Variants in ATP13A4 observed in about 807,000 individuals in gnomAD.
The protein encoded by ATP13A4 is ATPase 13A4, also known as probable cation-transporting ATPase 13A4.
In ATP13A4, 114 loss-of-function variants were observed where a neutral mutation model predicts 142.5. The ratio of observed to expected loss-of-function variants is 0.80; its 90% CI spans 0.69 to 0.93. The LOEUF is 0.93. Ranked by LOEUF, ATP13A4 falls within the 40% of genes least tolerant of loss-of-function variation. The pLI is 0.00. For synonymous variants in ATP13A4, 488 were observed against 514.8 expected, an observed-to-expected ratio of 0.95 and a Z score of 0.70; for missense variants, 1,392 against 1,454.0, an observed-to-expected ratio of 0.96 and a Z score of 0.69.
chr3:193,560,573 G>A (rs1013334694), intron 2 of ATP13A4, among the ~76,000 whole-genome samples: 4 of 152,136 alleles, frequency 2.6e-5, no homozygotes, highest in East Asian at 1.9e-4. Flanking sequence ...GAATATTTAC[G>A]AGGACTTCAT....
At chr3:193,545,149 T>C (rs1307071396) in intron 1 of ATP13A4, among the ~76,000 whole-genome samples, 1 of 152,224 alleles carries the variant, frequency 6.6e-6, no homozygotes, top group African/African-American at 2.4e-5. Flanking sequence ...TAGTTTTGTT[T>C]TAGAACTGGC....
At chr3:193,582,639 T>TATTATATATGTATATTACATATATAAA (rs1724579041) in intron 1 of ATP13A4, among the ~76,000 whole-genome samples, 2 of 85,010 alleles carry the variant, frequency 2.4e-5, no homozygotes, top group South Asian at 3.2e-4. Flanking sequence ...ACATACATTA[T>TATTATATATGTATATTACATATATAAA]ATATGTATAT....
intron 18 of ATP13A4, among the ~76,000 whole-genome samples, chr3:193,443,086 C>A (rs1237680479): frequency 6.6e-6 from 1 of 152,164 alleles, no homozygotes; most frequent in African/African-American, 2.4e-5. Context: ...TTTTTCTCTT[C>A]CCTATTCCAT....
At chr3:193,527,595 G>C (rs1722077449) in intron 1 of ATP13A4, among the ~76,000 whole-genome samples, 1 of 149,952 alleles carries the variant, frequency 6.7e-6, no homozygotes, top group Non-Finnish European at 1.5e-5. Flanking sequence ...CTGGGCGACA[G>C]AGTGAGGCTC....
At chr3:193,585,658 T>C (rs763943892) in intron 1 of ATP13A4, among the ~76,000 whole-genome samples, 2 of 152,170 alleles carry the variant, frequency 1.3e-5, no homozygotes, top group Non-Finnish European at 2.9e-5. Context: ...GATTCATTCG[T>C]GTTGTTACAT....
chr3:193,414,759 T>G lies in ATP13A4; in HGVS notation c.2843-9A>C. 6.2e-7 allele frequency: 1 copy of G among 1,613,684 alleles called. No individual in the cohort carries two copies. Among genetic ancestry groups the G allele is most frequent in the South Asian group, 1.1e-5 (1 of 91,056 alleles). ...GGCACCATTCAGATTCACTATAAAATAAATTCGAATTTTATATTTATGAGA... is the reference window on the plus strand; with the variant it reads ...GGCACCATTCAGATTCACTATAAAAGAAATTCGAATTTTATATTTATGAGA... On this transcript the variant is annotated splice_polypyrimidine_tract_variant and intron_variant, in intron 25 of 29. Transcript: ENST00000342695.
At chr3:193,448,383 T>C in intron 17 of ATP13A4, 53 bp from the exon 18 acceptor site, 5 of 1,603,452 alleles carry the variant, frequency 3.1e-6, no homozygotes, top group Non-Finnish European at 4.2e-6. Context: ...ATTACAGCTT[T>C]TTTTTTGAGA....
chr3:193,509,988 GTGAATGAATGCATGCA>G (rs1483757592), intron 2 of ATP13A4, among the ~76,000 whole-genome samples: 3 of 152,256 alleles, frequency 2.0e-5, no homozygotes, highest in East Asian at 3.9e-4. Flanking sequence ...GAAAACATAA[GTGAATGAATGCATGCA>G]TGAATGGAGG....
chr3:193,457,228 G>A (rs114840163), intron 15 of ATP13A4, 75 bp from the exon 16 acceptor site: 35,426 of 1,589,608 alleles, frequency 0.022, 536 homozygotes, highest in Non-Finnish European at 0.025. Flanking sequence ...CACTCCTTCC[G>A]TAATATTCAT....
intron 2 of ATP13A4, among the ~76,000 whole-genome samples, chr3:193,504,577 A>G (rs776880460): frequency 1.6e-4 from 25 of 152,176 alleles, no homozygotes; most frequent in Non-Finnish European, 3.1e-4. Flanking sequence ...CAGGCACTTA[A>G]CAGTCACCTC....
In ATP13A4 at chr3:193,478,064, G is replaced by A. The variant is rs147127887; in HGVS notation, c.808+5872C>T. ...AACGAAGCAGTGTTATATTCATAGA[G>A]AGAAAGATTGAAATATGTTACTAAG... On this transcript the variant is annotated intron_variant, in intron 8 of 29. Coordinates refer to ENST00000342695, the MANE Select transcript of ATP13A4 (RefSeq NM_032279.4). Among the ~76,000 whole-genome samples, 832 of 152,098 alleles carry A rather than the reference G, an allele frequency of 5.5e-3. 16 individuals are homozygous for A. The highest frequency in any genetic ancestry group is 0.019 in the African/African-American group (795 of 41,436).
At chr3:193,525,098 C>G (rs920059908) in intron 1 of ATP13A4, among the ~76,000 whole-genome samples, 2 of 152,242 alleles carry the variant, frequency 1.3e-5, no homozygotes, top group African/African-American at 4.8e-5. Flanking sequence ...TAGCACATAG[C>G]AGGCCCACAA....
intron 29 of ATP13A4, among the ~76,000 whole-genome samples, chr3:193,406,250 T>C (rs768760042): frequency 9.2e-5 from 14 of 152,210 alleles, no homozygotes; most frequent in Non-Finnish European, 1.9e-4. Flanking sequence ...AAATTCTGTG[T>C]CCTGTTCTGC....
At chr3:193,558,967 T>C (rs1348684818), upstream of ATP13A4, among the ~76,000 whole-genome samples, 3 of 152,200 alleles carry the variant, frequency 2.0e-5, 1 homozygote, top group Non-Finnish European at 4.4e-5. Context: ...AGCATGCCTG[T>C]TGTTCTGAGC....
intron 1 of ATP13A4, among the ~76,000 whole-genome samples, chr3:193,540,402 C>A (rs1442920997): frequency 6.6e-6 from 1 of 151,662 alleles, no homozygotes; most frequent in East Asian, 1.9e-4. Context: ...GACAACGGAG[C>A]CACTAATGAA....
In ATP13A4 at chr3:193,441,568, C is replaced by A. The variant is rs201198913; in HGVS notation, c.2337G>T (p.Arg779Ser). The A allele has an allele frequency of 3.1e-4, 503 of 1,613,088 alleles. No individual in the cohort carries two copies. The highest frequency in any genetic ancestry group is 8.2e-4 in the Admixed American group (49 of 60,016). The change falls in exon 20 of 30, where the codon AGG (arginine) becomes AGT (serine). Residue 779 changes from arginine (R) to serine (S), a missense_variant. Physicochemically the swap from Arg to Ser is moderately radical, Grantham distance 110 (BLOSUM62 -1). Transcript: ENST00000342695. ...CTCTGCCTTTATCAGAGACTTCATC[C>A]CTGATGTTAATGTAATTGTCCTACA... ...YGNQDNYINIRDEVSDKGREG... is the reference protein window; with the variant it reads ...YGNQDNYINISDEVSDKGREG...
In ATP13A4 at chr3:193,431,684, G is replaced by T. The variant is rs138412380; in HGVS notation, c.2842+2161C>A. ...TATGGGTGTGTATGTGTATATGTGG[G>T]TATATATACATTTATATATACACAC... On this transcript the variant is annotated intron_variant, in intron 25 of 29. Transcript: ENST00000342695. Among the ~76,000 whole-genome samples the T allele has an allele frequency of 2.2e-4, 33 of 149,832 alleles. No individual in the cohort carries two copies. The East Asian group carries it at 5.5e-3, about 25-fold the overall frequency.
chr3:193,532,531 T>C (rs1388476920), intron 1 of ATP13A4, among the ~76,000 whole-genome samples: 1 of 151,654 alleles, frequency 6.6e-6, no homozygotes, highest in African/African-American at 2.4e-5. Flanking sequence ...TCAAGATTTT[T>C]GGCAAGTGCT....
rs576354091 is a variant in ATP13A4 at position 193,572,051 on chromosome 3, G to A, written n.291+9656C>T. Among the ~76,000 whole-genome samples, 4 of 152,162 alleles carry A rather than the reference G, an allele frequency of 2.6e-5. No individual in the cohort carries two copies. The South Asian group carries it at 8.3e-4, about 32-fold the overall frequency. On this transcript the variant is annotated intron_variant and non_coding_transcript_variant, in intron 2 of 3. Coordinates refer to the ATP13A4 transcript ENST00000489140. ...GGCTTGGGCCAGGAGTTCAAGACCA[G>A]CCTCAGCAACATGGCAAAACCCCGC...
Sources: allele counts gnomAD v4.1 joint callset (sites outside exome capture counted in the v4.1 genomes callset), GRCh38; gene constraint gnomAD v4.1.1; transcripts MANE v1.5; gene names NCBI Gene and HGNC (gene_info 2026-07-23, HGNC 2026-07-21).